STAT4: variants seen among roughly 807,000 people sequenced by gnomAD.
STAT4 encodes the protein signal transducer and activator of transcription 4.
In STAT4, 42 loss-of-function variants were observed where a neutral mutation model predicts 110.5. That is an observed-to-expected ratio of 0.38 (90% confidence interval 0.30 to 0.49). The LOEUF (loss-of-function observed/expected upper bound fraction) is 0.49, where lower values mean the gene tolerates loss of function less well. Ranked by LOEUF, STAT4 falls within the 20% of genes least tolerant of loss-of-function variation. The pLI, the probability that STAT4 is intolerant of heterozygous loss-of-function variation, is 0.95. For missense variants in STAT4, 632 were observed against 887.9 expected (o/e 0.71, Z 3.66); for synonymous variants, 284 against 302.2 (o/e 0.94, Z 0.63).
At position 191,039,546 on chromosome 2, in the gene STAT4, T is replaced by C. The variant is rs926948891; in HGVS notation, c.1336-249A>G. ...TGCTCAGTCAGGCAGCTTCCCAGTATCTCCCCTGACATTGCGGACACATTT... is the reference window on the plus strand; with the variant it reads ...TGCTCAGTCAGGCAGCTTCCCAGTACCTCCCCTGACATTGCGGACACATTT... On this transcript the variant is annotated intron_variant, in intron 15 of 23. Coordinates refer to ENST00000392320, the MANE Select transcript of STAT4 (RefSeq NM_003151.4). This position sits in a 1 kb window ranked among gnomAD's most constrained non-coding sequence, Gnocchi z 4.7. 6.6e-6 allele frequency among the ~76,000 whole-genome samples: 1 copy of C among 152,148 alleles called. No homozygotes were observed. The highest frequency in any genetic ancestry group is 2.4e-5 in the African/African-American group (1 of 41,440).
At chr2:191,057,530 T>A (rs1696731436) in intron 13 of STAT4, among the ~76,000 whole-genome samples, 1 of 152,040 alleles carries the variant, frequency 6.6e-6, no homozygotes, top group Non-Finnish European at 1.5e-5. Flanking sequence ...ACCATTTTAA[T>A]TCTTCACTGA....
chr2:191,039,160 G>T lies in STAT4; in HGVS notation c.1434+39C>A. The stretch of plus-strand genomic sequence containing the variant: ...GTGTTTGTTGGCAATAAAACAAATC[G>T]AATAGCATTAAAGAAGTTGAGGTAG... On this transcript the variant is annotated intron_variant, in intron 16 of 23. Coordinates refer to ENST00000392320, the MANE Select transcript of STAT4 (RefSeq NM_003151.4). The surrounding 1 kb of genome is among the most constrained non-coding windows in gnomAD (Gnocchi z 4.7). The T allele has an allele frequency of 1.9e-6, 3 of 1,573,704 alleles. No individual in the cohort carries two copies. Among genetic ancestry groups the T allele is most frequent in the Non-Finnish European group, 1.7e-6 (2 of 1,143,226 alleles).
intron 15 of STAT4, among the ~76,000 whole-genome samples, chr2:191,040,170 C>T (rs925494216): frequency 2.6e-5 from 4 of 152,118 alleles, no homozygotes; most frequent in Non-Finnish European, 4.4e-5. Context: ...TCACGGTGTC[C>T]TGCCTTCAAG....
At chr2:191,045,508 T>C (rs1472651118) in intron 14 of STAT4, among the ~76,000 whole-genome samples, 2 of 152,002 alleles carry the variant, frequency 1.3e-5, no homozygotes, top group Non-Finnish European at 2.9e-5. Context: ...TGTGAACAAG[T>C]AGGATTATCT....
chr2:191,034,730 G>A, intron 17 of STAT4, 133 bp from the exon 18 acceptor site: 1 of 689,892 alleles, frequency 1.4e-6, no homozygotes, highest in Non-Finnish European at 2.7e-6. Context: ...AATGTACTGA[G>A]TGCTAGGTAC....
At position 191,056,062 on chromosome 2, in the gene STAT4, C is replaced by A. The variant is rs139705856; in HGVS notation, c.1207-1528G>T. The stretch of plus-strand genomic sequence containing the variant: ...AGGATTAAAAACAAAACAAAACATA[C>A]TCCTCAATACTAAAAACCAAACATT... On this transcript the variant is annotated intron_variant, in intron 13 of 23. Transcript: ENST00000392320. 2.7e-3 allele frequency among the ~76,000 whole-genome samples: 410 copies of A among 152,332 alleles called. 2 individuals carry two copies. The highest frequency in any genetic ancestry group is 9.3e-3 in the African/African-American group (388 of 41,582).
rs554856097 is a variant in STAT4 at position 191,122,720 on chromosome 2, T to C, written c.273+23893A>G. On this transcript the variant is annotated intron_variant, in intron 3 of 23. Coordinates refer to ENST00000392320, the MANE Select transcript of STAT4 (RefSeq NM_003151.4). Reference sequence around the variant, plus strand: ...AAAAATACACATTAAACAGCATGGATAAATCTCATAACACAGAGTGAAAAA... The same window carrying C: ...AAAAATACACATTAAACAGCATGGACAAATCTCATAACACAGAGTGAAAAA... Among the ~76,000 whole-genome samples the C allele has an allele frequency of 2.0e-5, 3 of 152,322 alleles. No individual in the cohort carries two copies. In the South Asian group the frequency reaches 6.2e-4, roughly 32 times the overall value.
At chr2:191,124,111 C>A (rs1359271939) in intron 3 of STAT4, among the ~76,000 whole-genome samples, 1 of 151,998 alleles carries the variant, frequency 6.6e-6, no homozygotes, top group Non-Finnish European at 1.5e-5. Flanking sequence ...ATATTCATTG[C>A]AATAAGGCAA....
chr2:191,121,982 G>A (rs1185676330), intron 3 of STAT4: 4 of 152,136 alleles, frequency 2.6e-5, no homozygotes, highest in African/African-American at 9.6e-5. Context: ...TACAAAAATT[G>A]GAAAGATACA....
intron 3 of STAT4, among the ~76,000 whole-genome samples, chr2:191,095,280 A>T (rs1451647750): frequency 6.6e-6 from 1 of 152,230 alleles, no homozygotes; most frequent in Non-Finnish European, 1.5e-5. Context: ...ACATCTACAG[A>T]ACTCTCCACC....
At chr2:191,148,344 T>C in intron 1 of STAT4, 140 bp from the exon 2 acceptor site, 3 of 1,099,112 alleles carry the variant, frequency 2.7e-6, no homozygotes, top group Non-Finnish European at 2.5e-6. Flanking sequence ...CTAAGGTTTT[T>C]TTTCATAATT....
intron 1 of STAT4, among the ~76,000 whole-genome samples, chr2:191,149,732 G>A (rs1699546598): frequency 1.3e-5 from 2 of 152,060 alleles, no homozygotes; most frequent in African/African-American, 4.8e-5. Context: ...CACAAAATTG[G>A]AACATTTGTT....
chr2:191,149,836 C>T (rs561219843), intron 1 of STAT4, among the ~76,000 whole-genome samples: 46 of 152,284 alleles, frequency 3.0e-4, no homozygotes, highest in African/African-American at 1.1e-3. Context: ...AGTTTTTCAT[C>T]ATACTATTGT....
Position 191,086,240 on chromosome 2 carries a change from C to T in STAT4, c.274-9915G>A, listed in dbSNP as rs1036768056. 6.6e-6 allele frequency among the ~76,000 whole-genome samples: 1 copy of T among 152,224 alleles called. No homozygotes were observed. Among genetic ancestry groups the T allele is most frequent in the African/African-American group, 2.4e-5 (1 of 41,554 alleles). ...GGAAAAACTGGCCTTCTATCTTGTC[C>T]TTCACAGGGTTCTTGACCTGTGATA... On this transcript the variant is annotated intron_variant, in intron 3 of 23. Coordinates refer to ENST00000392320, the MANE Select transcript of STAT4 (RefSeq NM_003151.4). The surrounding 1 kb of genome is among the most constrained non-coding windows in gnomAD (Gnocchi z 5.5).
At chr2:191,073,038 G>A in intron 5 of STAT4, 60 bp downstream of exon 5, 2 of 1,420,060 alleles carry the variant, frequency 1.4e-6, no homozygotes, top group South Asian at 2.4e-5. Context: ...TGGGAGAATG[G>A]TGCATAGTTA....
chr2:191,041,334 T>C (rs954441877), intron 14 of STAT4, 186 bp from the exon 15 acceptor site: 3 of 245,268 alleles, frequency 1.2e-5, no homozygotes, highest in Non-Finnish European at 2.3e-5. Flanking sequence ...AAAATCTTCA[T>C]TTCCCCAAAC....
rs942888626 is a variant in STAT4 at position 191,117,667 on chromosome 2, C to A, written c.273+28946G>T. The stretch of plus-strand genomic sequence containing the variant: ...GGGGAGTAGGAAATTGCATCCTGGG[C>A]AGAGGGCATTGCAAGCAATGAGTAG... On this transcript the variant is annotated intron_variant, in intron 3 of 23. Transcript: ENST00000392320. The surrounding 1 kb of genome is among the most constrained non-coding windows in gnomAD (Gnocchi z 5.2). 6.6e-6 allele frequency among the ~76,000 whole-genome samples: 1 copy of A among 152,088 alleles called. No homozygotes were observed. The highest frequency in any genetic ancestry group is 1.5e-5 in the Non-Finnish European group (1 of 68,000).
chr2:191,121,132 A>C (rs138475316), intron 3 of STAT4, among the ~76,000 whole-genome samples: 31,712 of 152,142 alleles, frequency 0.21, 3,380 homozygotes, highest in East Asian at 0.26. Flanking sequence ...GACACTTCTC[A>C]AAAGAAGACA....
intron 8 of STAT4, among the ~76,000 whole-genome samples, chr2:191,064,351 G>A (rs1171328775): frequency 6.6e-6 from 1 of 152,100 alleles, no homozygotes; most frequent in African/African-American, 2.4e-5. Context: ...TCACCATGAT[G>A]TACAATGGAT....
Sources: gnomAD v4.1 joint callset for allele counts (sites outside exome capture counted in the v4.1 genomes callset) on GRCh38, gnomAD v4.1.1 for gene constraint, Gnocchi (gnomAD v3.1) non-coding constraint, MANE v1.5 for transcripts, NCBI Gene and HGNC (gene_info 2026-07-23, HGNC 2026-07-21) for gene names.